Variants in PTGR2 observed in about 807,000 individuals in gnomAD.
PTGR2 encodes the protein 15-oxoprostaglandin 13-reductase.
A neutral mutation model predicts 43.4 loss-of-function variants in PTGR2; 32 were observed. The observed-to-expected ratio is 0.74, with a 90% confidence interval of 0.56 to 0.99. The LOEUF (loss-of-function observed/expected upper bound fraction) is 0.99, where lower values mean the gene tolerates loss of function less well. PTGR2 is among the 50% of genes least tolerant of loss of function. The pLI is 0.00. For missense variants in PTGR2, 373 were observed against 420.0 expected (o/e 0.89, Z 0.98); for synonymous variants, 106 against 139.2 (o/e 0.76, Z 1.68).
chr14:73,880,348 G>A (rs993163245), intron 7 of PTGR2, 172 bp downstream of exon 7: 1 of 675,332 alleles, frequency 1.5e-6, no homozygotes, highest in Admixed American at 2.3e-5. Context: ...CGAGACGGGT[G>A]GATTGCTTGA....
At chr14:73,879,025 T>C in intron 5 of PTGR2, 71 bp from the exon 6 acceptor site, 1 of 1,243,406 alleles carries the variant, frequency 8.0e-7, no homozygotes, top group Non-Finnish European at 1.2e-6. Context: ...TGTAATATCT[T>C]GTATACTGGT....
At chr14:73,873,886 GTC>G in intron 3 of PTGR2, 135 bp from the exon 4 acceptor site, 1 of 588,762 alleles carries the variant, frequency 1.7e-6, no homozygotes, top group Non-Finnish European at 2.9e-6. Context: ...TTATGTTTAA[GTC>G]TTGAATGTAT....
chr14:73,857,806 C>G lies in PTGR2; in HGVS notation c.-47-1010C>G, dbSNP rs550415940. On this transcript the variant is annotated intron_variant, in intron 1 of 9. Coordinates refer to ENST00000555661, the MANE Select transcript of PTGR2 (RefSeq NM_001146154.2). Reference sequence around the variant, plus strand: ...GCGTCAGCCTCCGGAGTAGCTGGGACTACAGGCTCCCGCTACCACGCCTGG... The same window carrying G: ...GCGTCAGCCTCCGGAGTAGCTGGGAGTACAGGCTCCCGCTACCACGCCTGG... Among the ~76,000 whole-genome samples the G allele has an allele frequency of 6.5e-4, 98 of 150,834 alleles. 2 individuals are homozygous for G. The South Asian group carries it at 0.02, about 31-fold the overall frequency.
chr14:73,858,578 C>T (rs2054416340), intron 1 of PTGR2: 1 of 277,438 alleles, frequency 3.6e-6, no homozygotes, highest in Non-Finnish European at 7.0e-6. Context: ...AATAAACAAA[C>T]ATTTTGCCCC....
intron 3 of PTGR2, among the ~76,000 whole-genome samples, chr14:73,867,108 ACAAAAAAAC>A (rs2054617537): frequency 7.4e-6 from 1 of 134,678 alleles, no homozygotes; most frequent in Non-Finnish European, 1.6e-5. Context: ...AAAAAAAAAA[ACAAAAAAAC>A]AAAAAAAAGA....
intron 3 of PTGR2, among the ~76,000 whole-genome samples, chr14:73,866,062 C>A (rs1048342368): frequency 6.6e-6 from 1 of 150,844 alleles, no homozygotes; most frequent in South Asian, 2.1e-4. Flanking sequence ...AGTGCAGTGG[C>A]GCTATCTTGG....
intron 1 of PTGR2, among the ~76,000 whole-genome samples, chr14:73,852,283 A>C (rs1298167937): frequency 6.6e-6 from 1 of 151,802 alleles, no homozygotes; most frequent in Non-Finnish European, 1.5e-5. Context: ...TGTGTGACGG[A>C]GTCTCGCTCT....
rs542698739 is a variant in PTGR2 at position 73,867,328 on chromosome 14, C to T, written c.156+6671C>T. 2.7e-4 allele frequency among the ~76,000 whole-genome samples: 41 copies of T among 152,002 alleles called. 1 individual carries two copies. The highest frequency in any genetic ancestry group is 7.9e-4 in the Admixed American group (12 of 15,240). On this transcript the variant is annotated intron_variant, in intron 3 of 9. Transcript: ENST00000555661. ...ATGGCAGATAATGGGACTTCTTAGCCTCTCTAACTGCATGAGCCAATACCT... is the reference window on the plus strand; with the variant it reads ...ATGGCAGATAATGGGACTTCTTAGCTTCTCTAACTGCATGAGCCAATACCT...
At position 73,876,990 on chromosome 14, in the gene PTGR2, T is replaced by C; in HGVS notation, c.349-8T>C. 6.2e-7 allele frequency: 1 copy of C among 1,605,878 alleles called. No homozygotes were observed. The highest frequency in any genetic ancestry group is 8.5e-7 in the Non-Finnish European group (1 of 1,175,784). ...TAGTATTTTTAAAGGGTATATATTT[T>C]ATTTTAGGTAGACCCACAACTTGTG... On this transcript the variant is annotated splice_region_variant and splice_polypyrimidine_tract_variant and intron_variant, in intron 4 of 9. Transcript: ENST00000555661.
intron 3 of PTGR2, among the ~76,000 whole-genome samples, chr14:73,869,740 A>G (rs2054682550): frequency 6.6e-6 from 1 of 151,774 alleles, no homozygotes; most frequent in Non-Finnish European, 1.5e-5. Context: ...AAAAAAAATA[A>G]TCAGGCTGGG....
At chr14:73,854,985 G>A (rs1320098110) in intron 1 of PTGR2, among the ~76,000 whole-genome samples, 1 of 152,134 alleles carries the variant, frequency 6.6e-6, no homozygotes, top group South Asian at 2.1e-4. Flanking sequence ...CATTTACCTT[G>A]TGATGGTAAA....
chr14:73,884,048 A>C, intron 9 of PTGR2, 53 bp from the exon 10 acceptor site: 1 of 1,071,844 alleles, frequency 9.3e-7, no homozygotes, highest in Non-Finnish European at 1.4e-6. Flanking sequence ...TTTTGGAAAC[A>C]AGTATGATAG....
chr14:73,867,894 T>C (rs1021069387), intron 3 of PTGR2, among the ~76,000 whole-genome samples: 1 of 152,218 alleles, frequency 6.6e-6, no homozygotes, highest in African/African-American at 2.4e-5. Flanking sequence ...TGATTCTTCT[T>C]ATAACAGCAA....
At chr14:73,876,392 GC>G (rs1417048758) in intron 4 of PTGR2, among the ~76,000 whole-genome samples, 1 of 151,936 alleles carries the variant, frequency 6.6e-6, no homozygotes, top group Non-Finnish European at 1.5e-5. Context: ...ATTGCAGATG[GC>G]TGCCTTCTTG....
chr14:73,882,109 A>C (rs1159396469), intron 8 of PTGR2, among the ~76,000 whole-genome samples: 1 of 152,014 alleles, frequency 6.6e-6, no homozygotes, highest in African/African-American at 2.4e-5. Context: ...GAAACCTGCA[A>C]ATGATAAGCA....
chr14:73,861,916 T>G (rs1176204882), intron 3 of PTGR2, among the ~76,000 whole-genome samples: 1 of 151,766 alleles, frequency 6.6e-6, no homozygotes, highest in Non-Finnish European at 1.5e-5. Flanking sequence ...CTCACTCTGT[T>G]GCCTAGGCTG....
intron 3 of PTGR2, among the ~76,000 whole-genome samples, chr14:73,864,458 T>A (rs919817597): frequency 1.3e-5 from 2 of 152,244 alleles, no homozygotes; most frequent in Non-Finnish European, 2.9e-5. Flanking sequence ...CACTTGTTAT[T>A]ATCTGTCTTT....
At position 73,862,357 on chromosome 14, in the gene PTGR2, G is replaced by A. The variant is rs188229970; in HGVS notation, c.156+1700G>A. Among the ~76,000 whole-genome samples, 428 of 151,906 alleles carry A rather than the reference G, an allele frequency of 2.8e-3. 3 individuals carry two copies. The highest frequency in any genetic ancestry group is 1.2e-3 in the Non-Finnish European group (79 of 67,940). ...CGAGCAGCCAGGACTACAGGCAACC[G>A]CCACCACGCCCGGCTAATTTTTTGT... On this transcript the variant is annotated intron_variant, in intron 3 of 9. Transcript: ENST00000555661.
chr14:73,854,033 C>T (rs1448808477), intron 1 of PTGR2, among the ~76,000 whole-genome samples: 1 of 152,088 alleles, frequency 6.6e-6, no homozygotes, highest in African/African-American at 2.4e-5. Context: ...GATCTTGGAA[C>T]TTGATGTGTC....
Sources: gnomAD v4.1 joint callset for allele counts (sites outside exome capture counted in the v4.1 genomes callset) on GRCh38, gnomAD v4.1.1 for gene constraint, MANE v1.5 for transcripts, NCBI Gene and HGNC (gene_info 2026-07-23, HGNC 2026-07-21) for gene names.